Variants in GRM5 observed in about 807,000 individuals in gnomAD.
The protein encoded by GRM5 is metabotropic glutamate receptor 5.
Under a neutral mutation model 83.1 loss-of-function variants are expected in GRM5, and 19 were observed. The ratio of observed to expected loss-of-function variants is 0.23; its 90% CI spans 0.16 to 0.34. GRM5 has a LOEUF of 0.34. GRM5 is among the 10% of genes least tolerant of loss of function. GRM5 has a pLI of 1.00. For missense variants in GRM5, 1,160 were observed against 1,588.3 expected, an observed-to-expected ratio of 0.73 and a Z score of 4.58; for synonymous variants, 675 against 633.6, an observed-to-expected ratio of 1.07 and a Z score of -0.98.
intron 2 of GRM5, among the ~76,000 whole-genome samples, chr11:88,913,365 G>A (rs1006981900): frequency 1.3e-5 from 2 of 152,090 alleles, no homozygotes; most frequent in Non-Finnish European, 2.9e-5. Context: ...GCAGAGGGTA[G>A]CAGTTGAGAT....
At chr11:88,673,532 A>G (rs780692772) in intron 3 of GRM5, among the ~76,000 whole-genome samples, 17 of 151,970 alleles carry the variant, frequency 1.1e-4, no homozygotes, top group Non-Finnish European at 2.4e-4. Context: ...TTTAATTCAG[A>G]TATTATCAAT....
intron 1 of GRM5, among the ~76,000 whole-genome samples, chr11:89,054,013 T>C (rs1396286932): frequency 6.6e-6 from 1 of 152,214 alleles, no homozygotes; most frequent in Non-Finnish European, 1.5e-5. Context: ...GTTTGGACTT[T>C]AAAAGACTTT....
At chr11:88,990,725 C>T (rs200878939) in intron 2 of GRM5, among the ~76,000 whole-genome samples, 3,180 of 148,504 alleles carry the variant, frequency 0.021, 54 homozygotes, top group East Asian at 0.089. Context: ...AATCAATAAA[C>T]GTAATCCAGC....
intron 2 of GRM5, among the ~76,000 whole-genome samples, chr11:88,903,265 T>G (rs1508671): frequency 0.45 from 68,704 of 151,882 alleles, 16,295 homozygotes; most frequent in African/African-American, 0.6. Context: ...AGGGAGAATG[T>G]TAGGAGAAGA....
intron 2 of GRM5, among the ~76,000 whole-genome samples, chr11:88,952,618 G>C (rs1049067850): frequency 2.7e-5 from 2 of 74,636 alleles, no homozygotes; most frequent in African/African-American, 1.0e-4. Flanking sequence ...GGTGAATGCA[G>C]AAAGAGAGCT....
chr11:88,756,037 T>C (rs531239592), intron 3 of GRM5, among the ~76,000 whole-genome samples: 1 of 152,328 alleles, frequency 6.6e-6, no homozygotes, highest in East Asian at 1.9e-4. Flanking sequence ...TACCTCTTTG[T>C]ATCTGCTCCT....
chr11:88,905,205 A>C (rs555383605), intron 2 of GRM5, among the ~76,000 whole-genome samples: 1 of 152,310 alleles, frequency 6.6e-6, no homozygotes, highest in African/African-American at 2.4e-5. Context: ...GTGGAAATTA[A>C]CATCTCTGAG....
intron 3 of GRM5, among the ~76,000 whole-genome samples, chr11:88,768,084 C>T (rs1422763096): frequency 6.6e-6 from 1 of 151,896 alleles, no homozygotes; most frequent in African/African-American, 2.4e-5. Flanking sequence ...AGAAATTTCA[C>T]TTCTGGGTAC....
At chr11:88,806,757 A>C (rs1250542480) in intron 3 of GRM5, among the ~76,000 whole-genome samples, 1 of 152,120 alleles carries the variant, frequency 6.6e-6, no homozygotes, top group Non-Finnish European at 1.5e-5. Flanking sequence ...ACAGTATTTT[A>C]GGATTTTTTT....
At chr11:88,677,741 A>G (rs1591433987) in intron 3 of GRM5, among the ~76,000 whole-genome samples, 2 of 152,284 alleles carry the variant, frequency 1.3e-5, no homozygotes, top group Admixed American at 1.3e-4. Context: ...TTAAATTGAG[A>G]TGTGATTATC....
intron 2 of GRM5, among the ~76,000 whole-genome samples, chr11:88,988,179 C>T: frequency 6.6e-6 from 1 of 151,740 alleles, no homozygotes; most frequent in East Asian, 1.9e-4. Context: ...GCTGATGGAG[C>T]TGAAAACCAA....
At chr11:89,036,862 T>C (rs1941400291) in intron 2 of GRM5, among the ~76,000 whole-genome samples, 1 of 152,130 alleles carries the variant, frequency 6.6e-6, no homozygotes, top group African/African-American at 2.4e-5. Context: ...ACTACTTTTA[T>C]AATACTTTTA....
At chr11:88,840,166 T>C (rs1197103964) in intron 3 of GRM5, among the ~76,000 whole-genome samples, 1 of 152,152 alleles carries the variant, frequency 6.6e-6, no homozygotes, top group African/African-American at 2.4e-5. Flanking sequence ...TTTTCATTTC[T>C]CTAAAAATGT....
chr11:88,943,310 T>C (rs1387398263), intron 2 of GRM5, among the ~76,000 whole-genome samples: 3 of 152,064 alleles, frequency 2.0e-5, no homozygotes, highest in Non-Finnish European at 2.9e-5. Flanking sequence ...CTAGAAATCA[T>C]CACAAAATTT....
chr11:89,008,549 A>G (rs1045501598), intron 2 of GRM5, among the ~76,000 whole-genome samples: 2 of 152,174 alleles, frequency 1.3e-5, no homozygotes, highest in African/African-American at 4.8e-5. Context: ...CAAAACTATG[A>G]TAAGTGATGG....
rs532229642 is a variant in GRM5, at chr11:88,575,411, ATTTATTTAT to A, written c.1691-7428_1691-7420del. Among the ~76,000 whole-genome samples, 256 of 147,932 alleles carry A rather than the reference ATTTATTTAT, an allele frequency of 1.7e-3. 2 individuals are homozygous for A. Among genetic ancestry groups the A allele is most frequent in the African/African-American group, 6.4e-3 (245 of 38,540 alleles). ...AAACTCTGTGGTTATCTACTAACTTATTTATTTATTTTATCTTTGCTACATCAGGGGAGG... is the reference window on the plus strand; with the variant it reads ...AAACTCTGTGGTTATCTACTAACTTATTTATCTTTGCTACATCAGGGGAGG... On this transcript the variant is annotated intron_variant, in intron 7 of 9. Transcript: ENST00000305447.
intron 3 of GRM5, among the ~76,000 whole-genome samples, chr11:88,678,800 A>G (rs1366994804): frequency 6.6e-6 from 1 of 152,148 alleles, no homozygotes; most frequent in Non-Finnish European, 1.5e-5. Context: ...GATGAGTGGT[A>G]ATTAACTAGG....
chr11:88,508,500 C>G lies in GRM5; in HGVS notation c.*92G>C, dbSNP rs1281627221. 1.9e-6 allele frequency: 2 copies of G among 1,025,692 alleles called. No individual in the cohort carries two copies. Among genetic ancestry groups the G allele is most frequent in the Non-Finnish European group, 2.9e-6 (2 of 695,166 alleles). The allele number at this position is 1,025,692 out of a possible 1,614,324, so 63.5% of individuals were successfully genotyped here. A position where few individuals can be genotyped will look rare whatever the true frequency, so the allele number is the denominator to read the frequency against. On this transcript the variant is annotated 3_prime_UTR_variant, in exon 10 of 10. Transcript: ENST00000305447. This position sits in a 1 kb window ranked among gnomAD's most constrained non-coding sequence, Gnocchi z 4.2. The stretch of plus-strand genomic sequence containing the variant: ...GTGCCCTTGGCATCTTCCCCCTGGG[C>G]CGTAACCAGGCGACTATGCTTGCCA...
chr11:88,940,228 G>A (rs1315620), intron 2 of GRM5, among the ~76,000 whole-genome samples: 78,872 of 150,448 alleles, frequency 0.52, 21,437 homozygotes, highest in South Asian at 0.67. Context: ...TTGTGTTCTA[G>A]CATCTATTTG....
Sources: gnomAD v4.1 joint callset for allele counts (sites outside exome capture counted in the v4.1 genomes callset) on GRCh38, gnomAD v4.1.1 for gene constraint, Gnocchi (gnomAD v3.1) non-coding constraint, MANE v1.5 for transcripts, NCBI Gene and HGNC (gene_info 2026-07-23, HGNC 2026-07-21) for gene names.